TRPM3: variants seen among roughly 807,000 people sequenced by gnomAD.
TRPM3 encodes the protein long transient receptor potential channel 3.
In TRPM3, 77 loss-of-function variants were observed where a neutral mutation model predicts 181.2. That is an observed-to-expected ratio of 0.42 (90% confidence interval 0.35 to 0.51). The LOEUF is 0.51. TRPM3 is among the 20% of genes least tolerant of loss of function. The pLI, the probability that TRPM3 is intolerant of heterozygous loss-of-function variation, is 0.01. For missense variants in TRPM3, 1,759 were observed against 2,196.7 expected, an observed-to-expected ratio of 0.80 and a Z score of 3.98; for synonymous variants, 745 against 796.4, an observed-to-expected ratio of 0.94 and a Z score of 1.09.
At chr9:70,821,143 T>C (rs1588837020) in intron 6 of TRPM3, among the ~76,000 whole-genome samples, 1 of 152,208 alleles carries the variant, frequency 6.6e-6, no homozygotes. Context: ...AAAAAATTCT[T>C]AGACTAATAT....
chr9:70,977,865 G>T (rs914232657), intron 1 of TRPM3, among the ~76,000 whole-genome samples: 1 of 152,206 alleles, frequency 6.6e-6, no homozygotes, highest in Non-Finnish European at 1.5e-5. Flanking sequence ...CACTTTCGAG[G>T]TGTGCCACCC....
chr9:71,081,895 G>A (rs1426353271), intron 1 of TRPM3, among the ~76,000 whole-genome samples: 1 of 152,052 alleles, frequency 6.6e-6, no homozygotes, highest in African/African-American at 2.4e-5. Context: ...GGATTCATTG[G>A]ACTTACAATT....
Position 71,155,521 on chromosome 9 carries a change from A to ATTTTATTTTATTTTATTTTAT in TRPM3, c.184-291011_184-291010insATAAAATAAAATAAAATAAAA, listed in dbSNP as rs1460387705. Among the ~76,000 whole-genome samples, 1,093 of 140,634 alleles carry ATTTTATTTTATTTTATTTTAT rather than the reference A, an allele frequency of 7.8e-3. 13 individuals are homozygous for ATTTTATTTTATTTTATTTTAT. The highest frequency in any genetic ancestry group is 0.049 in the East Asian group (239 of 4,886). 92.3% of individuals were successfully genotyped at this position (140,634 alleles called of 152,430 possible). A position where few individuals can be genotyped will look rare whatever the true frequency, so the allele number is the denominator to read the frequency against. On this transcript the variant is annotated intron_variant, in intron 1 of 24. Coordinates refer to the TRPM3 transcript ENST00000357533. ...ATTTTATTTTATTTTATTTTATTTT[A>ATTTTATTTTATTTTATTTTAT]TTTTTGCATAATTAGTAGAGATGGG...
chr9:70,603,304 T>C, intron 20 of TRPM3, 38 bp downstream of exon 20: 2 of 1,601,274 alleles, frequency 1.2e-6, no homozygotes, highest in Non-Finnish European at 1.7e-6. Flanking sequence ...ACTTAACCAC[T>C]GTCTTTCTCT....
intron 25 of TRPM3, among the ~76,000 whole-genome samples, chr9:70,539,420 C>T (rs969608294): frequency 1.3e-5 from 2 of 151,986 alleles, no homozygotes; most frequent in African/African-American, 4.8e-5. Context: ...TATCTTTCAG[C>T]TTCCCTTCAC....
At chr9:71,301,048 T>C (rs2086724837) in intron 1 of TRPM3, among the ~76,000 whole-genome samples, 1 of 152,156 alleles carries the variant, frequency 6.6e-6, no homozygotes, top group Admixed American at 6.6e-5. Context: ...CAAATGAATA[T>C]GTATAGGGTA....
At chr9:71,329,237 T>G (rs1197502391) in intron 1 of TRPM3, among the ~76,000 whole-genome samples, 3 of 152,370 alleles carry the variant, frequency 2.0e-5, no homozygotes, top group Non-Finnish European at 2.9e-5. Context: ...GACTGTTCAC[T>G]CTTATTTCAT....
At chr9:70,927,283 A>G (rs1229499724) in intron 1 of TRPM3, among the ~76,000 whole-genome samples, 1 of 152,146 alleles carries the variant, frequency 6.6e-6, no homozygotes, top group African/African-American at 2.4e-5. Flanking sequence ...TACTTTTCAC[A>G]CTTTCATGTT....
At chr9:70,571,313 T>G (rs536363981) in intron 22 of TRPM3, among the ~76,000 whole-genome samples, 1 of 152,276 alleles carries the variant, frequency 6.6e-6, no homozygotes, top group Non-Finnish European at 1.5e-5. Flanking sequence ...AGGTAATAAT[T>G]ACAGCTACCT....
At chr9:70,561,412 G>C (rs750244769) in intron 22 of TRPM3, among the ~76,000 whole-genome samples, 2 of 152,134 alleles carry the variant, frequency 1.3e-5, no homozygotes, top group Non-Finnish European at 2.9e-5. Context: ...CATCTTTCTA[G>C]AAGTTTCCTT....
At chr9:71,068,247 C>G (rs534386188) in intron 1 of TRPM3, among the ~76,000 whole-genome samples, 1 of 152,206 alleles carries the variant, frequency 6.6e-6, no homozygotes, top group African/African-American at 2.4e-5. Context: ...CTTGCACATA[C>G]TTTCAATTCT....
chr9:71,345,655 G>T (rs771433741), intron 1 of TRPM3, among the ~76,000 whole-genome samples: 1 of 152,164 alleles, frequency 6.6e-6, no homozygotes, highest in African/African-American at 2.4e-5. Context: ...GGGTTGATGG[G>T]TGCAGCAAGC....
At chr9:70,750,529 A>T (rs1033220076) in intron 8 of TRPM3, among the ~76,000 whole-genome samples, 13 of 152,154 alleles carry the variant, frequency 8.5e-5, no homozygotes, top group African/African-American at 2.4e-4. Flanking sequence ...CCTTTCTGGG[A>T]CTAGGTAGGA....
chr9:71,258,058 T>A (rs1193746609), intron 1 of TRPM3, among the ~76,000 whole-genome samples: 1 of 152,200 alleles, frequency 6.6e-6, no homozygotes, highest in African/African-American at 2.4e-5. Context: ...ACCAGGATTT[T>A]ATATTTTCTA....
chr9:71,289,838 T>A (rs2085633303), intron 1 of TRPM3, among the ~76,000 whole-genome samples: 2 of 119,580 alleles, frequency 1.7e-5, no homozygotes. Flanking sequence ...TGGTGCCAAC[T>A]GCACTCCAGC....
chr9:71,365,416 T>G (rs2092302458), intron 1 of TRPM3, among the ~76,000 whole-genome samples: 1 of 152,200 alleles, frequency 6.6e-6, no homozygotes, highest in African/African-American at 2.4e-5. Flanking sequence ...CTTATAAAAC[T>G]GTTTCCTTTA....
chr9:71,285,259 C>T (rs1015634743), intron 1 of TRPM3, among the ~76,000 whole-genome samples: 1 of 152,240 alleles, frequency 6.6e-6, no homozygotes, highest in Non-Finnish European at 1.5e-5. Flanking sequence ...ACCATGTTAT[C>T]TGACGGTTAG....
intron 1 of TRPM3, among the ~76,000 whole-genome samples, chr9:71,260,618 A>T (rs1400093578): frequency 6.6e-6 from 1 of 152,118 alleles, no homozygotes; most frequent in Non-Finnish European, 1.5e-5. Flanking sequence ...TTGTATTCCA[A>T]GGTGTTTTAT....
chr9:71,398,640 G>GT (rs2093260063), intron 1 of TRPM3, among the ~76,000 whole-genome samples: 1 of 152,134 alleles, frequency 6.6e-6, no homozygotes, highest in South Asian at 2.1e-4. Flanking sequence ...CACCATGATT[G>GT]TAAGTTTCCT....
Sources: allele counts gnomAD v4.1 joint callset (sites outside exome capture counted in the v4.1 genomes callset), GRCh38; gene constraint gnomAD v4.1.1; transcripts MANE v1.5; gene names NCBI Gene and HGNC (gene_info 2026-07-23, HGNC 2026-07-21).